NRXN3: variants seen among roughly 807,000 people sequenced by gnomAD.
The protein encoded by NRXN3 is neurexin III.
Under a neutral mutation model 137.6 loss-of-function variants are expected in NRXN3, and 32 were observed. The observed-to-expected ratio is 0.23, with a 90% CI of 0.18 to 0.31. NRXN3 has a LOEUF of 0.31. Among genes scored for constraint, NRXN3 ranks in the 10% least tolerant of loss-of-function variants. The pLI is 1.00. For missense variants in NRXN3, 1,574 were observed against 2,062.5 expected (o/e 0.76, Z 4.59); for synonymous variants, 798 against 784.5 (o/e 1.02, Z -0.29).
At chr14:79,800,971 C>A (rs563751272) in intron 19 of NRXN3, among the ~76,000 whole-genome samples, 2 of 152,286 alleles carry the variant, frequency 1.3e-5, no homozygotes, top group South Asian at 2.1e-4. Context: ...TAATTCTAAG[C>A]CTTTTTGCAA....
intron 4 of NRXN3, among the ~76,000 whole-genome samples, chr14:78,453,802 T>C (rs2094609143): frequency 6.6e-6 from 1 of 152,190 alleles, no homozygotes; most frequent in Non-Finnish European, 1.5e-5. Context: ...CATGTGAACA[T>C]GAAGGCAGAG....
chr14:78,679,000 A>G (rs926279659), intron 6 of NRXN3, among the ~76,000 whole-genome samples: 3 of 152,170 alleles, frequency 2.0e-5, no homozygotes, highest in Admixed American at 2.0e-4. Flanking sequence ...AAATGTCAGG[A>G]TAGATGAGAA....
intron 15 of NRXN3, among the ~76,000 whole-genome samples, chr14:79,326,825 AGAC>A (rs971420766): frequency 1.3e-5 from 2 of 152,204 alleles, no homozygotes; most frequent in Non-Finnish European, 2.9e-5. Flanking sequence ...AAAAAGATAA[AGAC>A]GAACAAAATT....
chr14:79,083,735 G>A (rs1251353915), intron 15 of NRXN3, among the ~76,000 whole-genome samples: 2 of 152,166 alleles, frequency 1.3e-5, no homozygotes, highest in African/African-American at 4.8e-5. Flanking sequence ...AATCTTGAAG[G>A]CAAAAATAAG....
At chr14:78,850,589 T>C (rs1596482287) in intron 10 of NRXN3, among the ~76,000 whole-genome samples, 1 of 152,298 alleles carries the variant, frequency 6.6e-6, no homozygotes, top group African/African-American at 2.4e-5. Flanking sequence ...CATGCAGCTG[T>C]TTTAATTAAA....
rs151314479 is a variant in NRXN3 at position 78,772,215 on chromosome 14, G to A, written c.2045-31405G>A. 4.5e-3 allele frequency among the ~76,000 whole-genome samples: 680 copies of A among 152,158 alleles called. 8 individuals are homozygous for A. Among genetic ancestry groups the A allele is most frequent in the Non-Finnish European group, 4.4e-3 (301 of 68,008 alleles). On this transcript the variant is annotated intron_variant, in intron 8 of 20. Transcript: ENST00000335750. ...TTTATTTTTACGGTTAACTTCTATA[G>A]GCAAGTGACACTGGTTTCAATGAAA...
At chr14:79,140,788 C>T (rs1265240001) in intron 15 of NRXN3, among the ~76,000 whole-genome samples, 1 of 152,090 alleles carries the variant, frequency 6.6e-6, no homozygotes, top group Non-Finnish European at 1.5e-5. Context: ...TTTCCCTCTA[C>T]CTTGGACAGC....
chr14:79,096,217 C>T (rs1015350858), intron 15 of NRXN3, among the ~76,000 whole-genome samples: 3 of 151,848 alleles, frequency 2.0e-5, no homozygotes, highest in Non-Finnish European at 4.4e-5. Context: ...AAGCAGTTCT[C>T]CTGCCTCAGC....
At chr14:79,101,774 C>A (rs1460651880) in intron 15 of NRXN3, among the ~76,000 whole-genome samples, 2 of 152,154 alleles carry the variant, frequency 1.3e-5, no homozygotes, top group Non-Finnish European at 2.9e-5. Flanking sequence ...GAAGGAGGTT[C>A]TTTGCAGATG....
At chr14:79,479,585 T>G (rs1020838200) in intron 16 of NRXN3, among the ~76,000 whole-genome samples, 2 of 152,064 alleles carry the variant, frequency 1.3e-5, no homozygotes, top group African/African-American at 4.8e-5. Context: ...TAATATTTAT[T>G]TAAATCCACA....
At chr14:79,766,048 A>G (rs2099054963) in intron 19 of NRXN3, among the ~76,000 whole-genome samples, 1 of 152,192 alleles carries the variant, frequency 6.6e-6, no homozygotes, top group South Asian at 2.1e-4. Context: ...GCATACCTGT[A>G]TTCAGGAACA....
intron 20 of NRXN3, among the ~76,000 whole-genome samples, chr14:79,813,876 C>T (rs1227160062): frequency 6.6e-6 from 1 of 152,126 alleles, no homozygotes; most frequent in Admixed American, 6.5e-5. Flanking sequence ...CAGAGAAACA[C>T]ACCCCTCTCC....
At chr14:78,748,428 G>A (rs533073802) in intron 8 of NRXN3, among the ~76,000 whole-genome samples, 66 of 152,240 alleles carry the variant, frequency 4.3e-4, no homozygotes, top group Admixed American at 4.2e-3. Flanking sequence ...CAGCGGATGC[G>A]GTAGGAAATG....
chr14:79,059,358 T>C (rs979152828), intron 15 of NRXN3, among the ~76,000 whole-genome samples: 3 of 149,066 alleles, frequency 2.0e-5, no homozygotes, highest in African/African-American at 5.0e-5. Flanking sequence ...CCCGGGTTCA[T>C]GCCATTCTCC....
At chr14:79,233,469 C>T (rs924388844) in intron 15 of NRXN3, among the ~76,000 whole-genome samples, 1 of 152,028 alleles carries the variant, frequency 6.6e-6, no homozygotes, top group African/African-American at 2.4e-5. Flanking sequence ...TTGTACAGGT[C>T]TTTATATCAT....
At chr14:79,804,384 G>A (rs2099195067) in intron 19 of NRXN3, among the ~76,000 whole-genome samples, 1 of 152,058 alleles carries the variant, frequency 6.6e-6, no homozygotes, top group Non-Finnish European at 1.5e-5. Flanking sequence ...TAGATTCCCT[G>A]GGACTGGGGA....
chr14:79,685,994 A>G (rs1226476058), intron 17 of NRXN3, among the ~76,000 whole-genome samples: 1 of 152,102 alleles, frequency 6.6e-6, no homozygotes, highest in Non-Finnish European at 1.5e-5. Context: ...ATAGCCTATA[A>G]GATATTTGGA....
intron 10 of NRXN3, among the ~76,000 whole-genome samples, chr14:78,876,510 C>T (rs1596808065): frequency 1.3e-5 from 2 of 152,126 alleles, no homozygotes; most frequent in Admixed American, 1.3e-4. Context: ...TGGCAGAGCA[C>T]GTTTGATGAA....
At chr14:78,810,996 A>G (rs2098909458) in intron 10 of NRXN3, among the ~76,000 whole-genome samples, 1 of 152,180 alleles carries the variant, frequency 6.6e-6, no homozygotes, top group Non-Finnish European at 1.5e-5. Context: ...CTACTCATGT[A>G]TTTCTTCCTC....
Sources: gnomAD v4.1 joint callset for allele counts (sites outside exome capture counted in the v4.1 genomes callset) on GRCh38, gnomAD v4.1.1 for gene constraint, MANE v1.5 for transcripts, NCBI Gene and HGNC (gene_info 2026-07-23, HGNC 2026-07-21) for gene names.